The following PPP1R12A variants were observed in gnomAD, a reference collection of about 807,000 sequenced individuals.
PPP1R12A encodes the protein protein phosphatase 1 regulatory subunit 12A.
In PPP1R12A, 19 loss-of-function variants were observed where a neutral mutation model predicts 139.6. The observed-to-expected ratio is 0.14, with a 90% CI of 0.09 to 0.20. PPP1R12A has a LOEUF of 0.20. Ranked by LOEUF, PPP1R12A falls within the 10% of genes least tolerant of loss-of-function variation. The pLI is 1.00. For synonymous variants in PPP1R12A, 427 were observed against 420.6 expected (o/e 1.02, Z -0.19); for missense variants, 925 against 1,211.5 (o/e 0.76, Z 3.51).
At chr12:79,811,191 A>G (rs1160436090) in intron 9 of PPP1R12A, among the ~76,000 whole-genome samples, 1 of 152,196 alleles carries the variant, frequency 6.6e-6, no homozygotes, top group Non-Finnish European at 1.5e-5. Flanking sequence ...AACATTTGCT[A>G]TAATTAGCAG....
chr12:79,838,507 C>T (rs1452387843), intron 3 of PPP1R12A, among the ~76,000 whole-genome samples: 3 of 152,228 alleles, frequency 2.0e-5, no homozygotes, highest in Admixed American at 2.0e-4. Context: ...TCAAGGCAGC[C>T]CTTCCCATCA....
chr12:79,796,556 A>G lies in PPP1R12A; in HGVS notation c.2461+226T>C, dbSNP rs151002636. ...CTTTTCGTTGTAGGTGGACATGAAG[A>G]TTTTTGTGAAGTATTAGGTTATAAA... On this transcript the variant is annotated intron_variant, in intron 17 of 24. Transcript: ENST00000450142. Among the ~76,000 whole-genome samples, 286 of 152,240 alleles carry G rather than the reference A, an allele frequency of 1.9e-3. 6 individuals are homozygous for G. In the East Asian group the frequency reaches 0.046, roughly 25 times the overall value.
chr12:79,830,467 C>T (rs1877287012), intron 4 of PPP1R12A, among the ~76,000 whole-genome samples: 1 of 152,162 alleles, frequency 6.6e-6, no homozygotes. Context: ...ACGTATCTTA[C>T]TTCCCATGTG....
chr12:79,903,238 G>C (rs1885803018), intron 1 of PPP1R12A, among the ~76,000 whole-genome samples: 1 of 152,072 alleles, frequency 6.6e-6, no homozygotes, highest in African/African-American at 2.4e-5. Context: ...GGATCACAAA[G>C]TCAAGAGTTC....
chr12:79,806,361 G>A, intron 12 of PPP1R12A, 28 bp from the exon 13 acceptor site: 1 of 1,591,148 alleles, frequency 6.3e-7, no homozygotes, highest in Non-Finnish European at 8.6e-7. Context: ...ATCTATATAG[G>A]ATGTGTTTGT....
At chr12:79,855,268 G>A (rs1379130107) in intron 2 of PPP1R12A, among the ~76,000 whole-genome samples, 1 of 152,064 alleles carries the variant, frequency 6.6e-6, no homozygotes, top group Non-Finnish European at 1.5e-5. Context: ...GATTACATGT[G>A]TGAGCCACCG....
chr12:79,932,241 G>A (rs1205789938), intron 1 of PPP1R12A, among the ~76,000 whole-genome samples: 1 of 152,142 alleles, frequency 6.6e-6, no homozygotes, highest in Non-Finnish European at 1.5e-5. Flanking sequence ...TGGAAAACAA[G>A]CTAAGTTCAA....
intron 1 of PPP1R12A, among the ~76,000 whole-genome samples, chr12:79,894,337 G>A (rs897580019): frequency 6.6e-6 from 1 of 152,156 alleles, no homozygotes; most frequent in Non-Finnish European, 1.5e-5. Flanking sequence ...TGAAGACAGA[G>A]TAAAAGACAG....
intron 14 of PPP1R12A, among the ~76,000 whole-genome samples, chr12:79,804,522 A>G (rs146446202): frequency 4.6e-5 from 7 of 152,214 alleles, no homozygotes; most frequent in Admixed American, 1.3e-4. Context: ...TCAAACACAA[A>G]TATTACTGTG....
chr12:79,850,488 T>C (rs773369686), intron 2 of PPP1R12A, among the ~76,000 whole-genome samples: 2 of 152,240 alleles, frequency 1.3e-5, no homozygotes, highest in Non-Finnish European at 2.9e-5. Context: ...AATTTTCATC[T>C]TTTAAGAAAA....
At chr12:79,848,061 A>T (rs1230214579) in intron 2 of PPP1R12A, among the ~76,000 whole-genome samples, 2 of 152,170 alleles carry the variant, frequency 1.3e-5, no homozygotes, top group Non-Finnish European at 2.9e-5. Context: ...TGTTCTGGAC[A>T]TGTGTATCTG....
chr12:79,855,178 C>T (rs1480093331), intron 2 of PPP1R12A, among the ~76,000 whole-genome samples: 17 of 151,986 alleles, frequency 1.1e-4, no homozygotes, highest in African/African-American at 3.9e-4. Context: ...TTAGTAAAGA[C>T]GGGGTTTCAC....
At chr12:79,781,330 T>A (rs1870425552) in intron 23 of PPP1R12A, among the ~76,000 whole-genome samples, 1 of 152,136 alleles carries the variant, frequency 6.6e-6, no homozygotes, top group Non-Finnish European at 1.5e-5. Flanking sequence ...TTAAGTTAAA[T>A]ATTTAAACTC....
chr12:79,864,552 G>T (rs1881743841), intron 2 of PPP1R12A, among the ~76,000 whole-genome samples: 1 of 151,994 alleles, frequency 6.6e-6, no homozygotes, highest in South Asian at 2.1e-4. Flanking sequence ...ATGGCTTTTT[G>T]AAAAGATCAA....
intron 1 of PPP1R12A, among the ~76,000 whole-genome samples, chr12:79,929,544 T>A (rs1464914589): frequency 2.6e-5 from 4 of 152,096 alleles, no homozygotes; most frequent in African/African-American, 9.7e-5. Flanking sequence ...GACGGGCGGA[T>A]CACTTGAGGT....
At chr12:79,932,466 T>C (rs1277716576) in intron 1 of PPP1R12A, among the ~76,000 whole-genome samples, 1 of 152,196 alleles carries the variant, frequency 6.6e-6, no homozygotes, top group Non-Finnish European at 1.5e-5. Context: ...GACTTTGGCT[T>C]CACCGATTTA....
At position 79,809,969 on chromosome 12, in the gene PPP1R12A, C is replaced by G. The variant is rs774998859; in HGVS notation, c.1281G>C (p.Glu427Asp). The G allele has an allele frequency of 4.3e-6, 7 of 1,613,142 alleles. No homozygotes were observed. The East Asian group carries it at 1.1e-4, about 26-fold the overall frequency. The change falls in exon 10 of 25, where the codon GAG (glutamate) becomes GAC (aspartate). Residue 427 changes from glutamate to aspartate, a missense_variant. Glu to Asp is a conservative substitution (Grantham distance 45, BLOSUM62 2). Around this residue, in one of 4 missense-constraint regions of PPP1R12A, gnomAD observed 403 missense variants for 463.7 expected, o/e 0.87. Coordinates refer to ENST00000450142, the MANE Select transcript of PPP1R12A (RefSeq NM_002480.3). ...TATKISPKEE[E>D]RKDESPATWR... ...AAGTTGCAGGAGACTCATCTTTTCTCTCTTCTTCTTTGGGAGAAATTTTTG... is the reference window on the plus strand; with the variant it reads ...AAGTTGCAGGAGACTCATCTTTTCTGTCTTCTTCTTTGGGAGAAATTTTTG...
chr12:79,922,322 G>C (rs991178811), intron 1 of PPP1R12A, among the ~76,000 whole-genome samples: 1 of 152,074 alleles, frequency 6.6e-6, no homozygotes, highest in African/African-American at 2.4e-5. Context: ...ACATATAGGG[G>C]ATAACATTAT....
Position 79,816,855 on chromosome 12 carries a change from G to A in PPP1R12A, c.1239+539C>T, listed in dbSNP as rs1052063796. ...AAGGTAGAGTCAGGAGCTCATCTCTGGTTTATCTGACCTCAGAGATCATGC... is the reference window on the plus strand; with the variant it reads ...AAGGTAGAGTCAGGAGCTCATCTCTAGTTTATCTGACCTCAGAGATCATGC... On this transcript the variant is annotated intron_variant, in intron 9 of 24. Transcript: ENST00000450142. Among the ~76,000 whole-genome samples, 6 of 152,110 alleles carry A rather than the reference G, an allele frequency of 3.9e-5. No individual in the cohort carries two copies. The East Asian group carries it at 1.2e-3, about 29-fold the overall frequency.
Sources: allele counts gnomAD v4.1 joint callset (sites outside exome capture counted in the v4.1 genomes callset), GRCh38; gene constraint gnomAD v4.1.1; regional missense constraint gnomAD v4.1.1; transcripts MANE v1.5; gene names NCBI Gene and HGNC (gene_info 2026-07-23, HGNC 2026-07-21).